TIGD2: variants seen among roughly 807,000 people sequenced by gnomAD.
The protein encoded by TIGD2 is tigger transposable element-derived protein 2.
In TIGD2, 14 loss-of-function variants were observed where a neutral mutation model predicts 27.0. That is an observed-to-expected ratio of 0.52 (90% CI 0.34 to 0.81). The LOEUF (loss-of-function observed/expected upper bound fraction) is 0.81, where lower values mean the gene tolerates loss of function less well. Ranked by LOEUF, TIGD2 falls within the 30% of genes least tolerant of loss-of-function variation. TIGD2 has a pLI of 0.01. For missense variants in TIGD2, 590 were observed against 617.3 expected, an observed-to-expected ratio of 0.96 and a Z score of 0.47; for synonymous variants, 201 against 209.0, an observed-to-expected ratio of 0.96 and a Z score of 0.33.
chr4:89,112,554 G>T lies in TIGD2; in HGVS notation c.-421G>T. ...TGCAAGTCCTCTCTTGACTTAAACT[G>T]TTTACTCCCTAGCACATTTCCTAAA... On this transcript the variant is annotated 5_prime_UTR_variant, in exon 2 of 2. Transcript: ENST00000603357. 6.4e-6 allele frequency: 1 copy of T among 156,228 alleles called. No homozygotes were observed. Among genetic ancestry groups the T allele is most frequent in the Non-Finnish European group, 1.4e-5 (1 of 70,972 alleles). The allele number at this position is 156,228 out of a possible 1,614,324, so 9.7% of individuals were successfully genotyped here.
At position 89,114,443 on chromosome 4, in the gene TIGD2, A is replaced by T. The variant is rs1158397276; in HGVS notation, c.1469A>T (p.Asp490Val). 3 of 1,614,142 alleles carry T rather than the reference A, an allele frequency of 1.9e-6. No homozygotes were observed. Among genetic ancestry groups the T allele is most frequent in the East Asian group, 4.5e-5 (2 of 44,890 alleles). ...CTTGAATGGACTGAAAATTTACTGGATTATCTTGAACAACAAGATGACATG... is the reference window on the plus strand; with the variant it reads ...CTTGAATGGACTGAAAATTTACTGGTTTATCTTGAACAACAAGATGACATG... ...AALEWTENLL[D>V]YLEQQDDMLL... is the part of the protein sequence containing the mutation. The change falls in exon 2 of 2, where the codon GAT becomes GTT. Residue 490 changes from aspartate (D) to valine (V), a missense_variant. Asp to Val is a radical substitution (Grantham distance 152). Around this residue, in one of 3 missense-constraint regions of TIGD2, gnomAD observed 451 missense variants for 448.0 expected, o/e 1.01. Coordinates refer to ENST00000603357, the MANE Select transcript of TIGD2 (RefSeq NM_145715.3).
At position 89,112,793 on chromosome 4, in the gene TIGD2, T is replaced by C. The variant is rs1439489122; in HGVS notation, c.-182T>C. ...GGCGCTAGGCTTTGTTGTAGGAAGTTTGTAAGTTTTAAAATAGCAAGTAGA... is the reference window on the plus strand; with the variant it reads ...GGCGCTAGGCTTTGTTGTAGGAAGTCTGTAAGTTTTAAAATAGCAAGTAGA... On this transcript the variant is annotated 5_prime_UTR_variant, in exon 2 of 2. Transcript: ENST00000603357. 2 of 554,158 alleles carry C rather than the reference T, an allele frequency of 3.6e-6. No individual in the cohort carries two copies. The highest frequency in any genetic ancestry group is 6.2e-6 in the Non-Finnish European group (2 of 320,250). 34.3% of individuals were successfully genotyped at this position (554,158 alleles called of 1,614,324 possible).
In TIGD2 at chr4:89,113,542, A is replaced by T. The variant is rs1721153262; in HGVS notation, c.568A>T (p.Thr190Ser). 1.9e-6 allele frequency: 3 copies of T among 1,614,138 alleles called. No homozygotes were observed. The highest frequency in any genetic ancestry group is 2.5e-6 in the Non-Finnish European group (3 of 1,180,010). ...GLFWKCLPSRTLTLETDQSTS... is the reference protein window; with the variant it reads ...GLFWKCLPSRSLTLETDQSTS... The stretch of plus-strand genomic sequence containing the variant: ...GTTTTGGAAATGTCTACCATCAAGG[A>T]CATTAACTCTTGAAACTGACCAAAG... The change falls in exon 2 of 2, where the codon ACA becomes TCA. Residue 190 changes from threonine to serine, a missense_variant. Physicochemically the swap from Thr to Ser is moderately conservative, Grantham distance 58 (BLOSUM62 1). This residue lies in a region of TIGD2 where 451 missense variants were observed against 448.0 expected (regional missense o/e 1.01). Transcript: ENST00000603357.
In TIGD2 at chr4:89,113,733, A is replaced by C. The variant is rs750266573; in HGVS notation, c.759A>C (p.Lys253Asn). 3.1e-6 allele frequency: 5 copies of C among 1,614,092 alleles called. No homozygotes were observed. The African/African-American group carries it at 6.7e-5, about 22-fold the overall frequency. Residue 253 changes from lysine to asparagine, a missense_variant, in exon 2 of 2, where the codon AAA (lysine) becomes AAC (asparagine). This residue lies in a region of TIGD2 where 451 missense variants were observed against 448.0 expected (regional missense o/e 1.01). Transcript: ENST00000603357. ...TTCCTGTGACATATTACAGTCAAAAAGGTGCATGGATAGAACAGTCTGTTT... is the reference window on the plus strand; with the variant it reads ...TTCCTGTGACATATTACAGTCAAAACGGTGCATGGATAGAACAGTCTGTTT... ...SNLPVTYYSQ[K>N]GAWIEQSVFR...
Position 89,113,174 on chromosome 4 carries a change from A to T in TIGD2, c.200A>T (p.Lys67Ile), listed in dbSNP as rs767221783. 6.2e-7 allele frequency: 1 copy of T among 1,614,130 alleles called. No homozygotes were observed. Among genetic ancestry groups the T allele is most frequent in the Non-Finnish European group, 8.5e-7 (1 of 1,180,028 alleles). Residue 67 changes from lysine (K) to isoleucine (I), a missense_variant, in exon 2 of 2, where the codon AAA (lysine) becomes ATA (isoleucine). Coordinates refer to ENST00000603357, the MANE Select transcript of TIGD2 (RefSeq NM_145715.3). ...NSSDPTSGVSKRKSMKSSTYE... is the reference protein window; with the variant it reads ...NSSDPTSGVSIRKSMKSSTYE... ...TCAGATCCTACCAGTGGAGTATCCA[A>T]ACGTAAATCTATGAAGTCATCAACA...
chr4:89,111,334 C>G (rs373353677), upstream of TIGD2: 10 of 601,658 alleles, frequency 1.7e-5, no homozygotes, highest in Non-Finnish European at 2.1e-5. Context: ...CTCCCCCTGC[C>G]GGCCAGGGAG....
chr4:89,112,841 A>G lies in TIGD2; in HGVS notation c.-134A>G. ...AGATTCACGTAGACCTTGTCAGGAAATTGGTCACTATCCATCTAGGCCCTA... is the reference window on the plus strand; with the variant it reads ...AGATTCACGTAGACCTTGTCAGGAAGTTGGTCACTATCCATCTAGGCCCTA... On this transcript the variant is annotated 5_prime_UTR_variant, in exon 2 of 2. Coordinates refer to ENST00000603357, the MANE Select transcript of TIGD2 (RefSeq NM_145715.3). 1.4e-6 allele frequency: 1 copy of G among 702,520 alleles called. No individual in the cohort carries two copies. Among genetic ancestry groups the G allele is most frequent in the South Asian group, 2.2e-5 (1 of 45,204 alleles). 43.5% of individuals were successfully genotyped at this position (702,520 alleles called of 1,614,324 possible).
In TIGD2 at chr4:89,112,129, G is replaced by A. The variant is rs1168883249; in HGVS notation, c.-846G>A. ...GAACTGCTTCTGTTGGTCCATCGAG[G>A]ATCGTCTTTCACCAGGATTATTGTA... is the stretch of plus-strand genomic sequence containing the variant. On this transcript the variant is annotated 5_prime_UTR_variant, in exon 2 of 2. Transcript: ENST00000603357. 6.6e-6 allele frequency: 1 copy of A among 152,184 alleles called. No homozygotes were observed. Among genetic ancestry groups the A allele is most frequent in the African/African-American group, 2.4e-5 (1 of 41,436 alleles). 9.4% of individuals were successfully genotyped at this position (152,184 alleles called of 1,614,324 possible). A position where few individuals can be genotyped will look rare whatever the true frequency, so the allele number is the denominator to read the frequency against.
At position 89,113,695 on chromosome 4, in the gene TIGD2, G is replaced by T; in HGVS notation, c.721G>T (p.Asp241Tyr). The T allele has an allele frequency of 6.2e-7, 1 of 1,614,162 alleles. No individual in the cohort carries two copies. The highest frequency in any genetic ancestry group is 1.1e-5 in the South Asian group (1 of 91,066). The change falls in exon 2 of 2, where the codon GAC becomes TAC. Residue 241 changes from aspartate (D) to tyrosine (Y), a missense_variant. This residue lies in a region of TIGD2 where 451 missense variants were observed against 448.0 expected (regional missense o/e 1.01). Transcript: ENST00000603357. Reference sequence around the variant, plus strand: ...AAAGCCCCGAGCATTCAAAGGCACTGACCTTTCAAACCTTCCTGTGACATA... The same window carrying T: ...AAAGCCCCGAGCATTCAAAGGCACTTACCTTTCAAACCTTCCTGTGACATA... ...AKKPRAFKGT[D>Y]LSNLPVTYYS... is the part of the protein sequence containing the mutation.
rs1041271914 is a variant in TIGD2 at position 89,112,265 on chromosome 4, A to G, written c.-710A>G. 6.6e-6 allele frequency: 1 copy of G among 151,992 alleles called. No homozygotes were observed. The highest frequency in any genetic ancestry group is 1.5e-5 in the Non-Finnish European group (1 of 68,034). The allele number at this position is 151,992 out of a possible 1,614,324, so 9.4% of individuals were successfully genotyped here. ...AGTAATGTGACATCACATGTCCACT[A>G]TCCTCCTTTCCAGCTGCCAAATCTA... On this transcript the variant is annotated 5_prime_UTR_variant, in exon 2 of 2. Transcript: ENST00000603357.
rs764716185 is a variant in TIGD2, at chr4:89,113,365, C to T, written c.391C>T (p.Gln131Ter). ...ASSGWLTRFK[Q>*]RHGIPKAAGK... ...GTCAGGCTGGCTAACTCGATTTAAG[C>T]AGCGCCATGGTATTCCAAAGGCTGC... The change falls in exon 2 of 2, where the codon CAG (glutamine) becomes TAG (stop). Residue 131 changes from glutamine to a stop codon, truncating the protein, a stop_gained. Transcript: ENST00000603357. LOFTEE classifies it high-confidence loss of function. The T allele has an allele frequency of 6.2e-7, 1 of 1,614,116 alleles. No homozygotes were observed. Among genetic ancestry groups the T allele is most frequent in the Non-Finnish European group, 8.5e-7 (1 of 1,180,028 alleles).
Position 89,114,036 on chromosome 4 carries a change from AAT to A in TIGD2, c.1065_1066del (p.Phe356LeufsTer12). On this transcript the variant is annotated frameshift_variant, in exon 2 of 2. Coordinates refer to ENST00000603357, the MANE Select transcript of TIGD2 (RefSeq NM_145715.3). LOFTEE classifies it high-confidence loss of function. ...KYMDEGNDPK[I>X]FWKNLTVLDA... is the part of the protein sequence containing the mutation. ...ACATGGATGAAGGAAATGACCCAAA[AAT>A]ATTTTGGAAGAACTTGACAGTGTTG... 1 of 1,614,054 alleles carries A rather than the reference AAT, an allele frequency of 6.2e-7. No individual in the cohort carries two copies. The highest frequency in any genetic ancestry group is 8.5e-7 in the Non-Finnish European group (1 of 1,180,012).
Position 89,113,532 on chromosome 4 carries a change from A to G in TIGD2, c.558A>G (p.Leu186=), listed in dbSNP as rs754103964. The G allele has an allele frequency of 5.0e-6, 8 of 1,613,986 alleles. No homozygotes were observed. Among genetic ancestry groups the G allele is most frequent in the African/African-American group, 2.7e-5 (2 of 74,918 alleles). The change falls in exon 2 of 2, where the codon CTA becomes CTG. Residue 186 remains leucine (L), a synonymous_variant. Transcript: ENST00000603357. ...ADQTGLFWKC[L]PSRTLTLETD... ...AAACTGGATTGTTTTGGAAATGTCT[A>G]CCATCAAGGACATTAACTCTTGAAA...
At position 89,114,738 on chromosome 4, in the gene TIGD2, T is replaced by A; in HGVS notation, c.*186T>A. 1.7e-6 allele frequency: 1 copy of A among 593,118 alleles called. No individual in the cohort carries two copies. Among genetic ancestry groups the A allele is most frequent in the Non-Finnish European group, 2.9e-6 (1 of 342,034 alleles). The allele number at this position is 593,118 out of a possible 1,614,324, so 36.7% of individuals were successfully genotyped here. ...TGACTCTAGTCATTGGGCATTGACG[T>A]GTAACTTGTCTTTCTACTGTTTCTA... On this transcript the variant is annotated 3_prime_UTR_variant, in exon 2 of 2. Transcript: ENST00000603357.
Position 89,112,288 on chromosome 4 carries a change from C to CTAG in TIGD2, c.-683_-681dup, listed in dbSNP as rs1180626100. 6.6e-6 allele frequency: 1 copy of CTAG among 152,226 alleles called. No individual in the cohort carries two copies. Among genetic ancestry groups the CTAG allele is most frequent in the Non-Finnish European group, 1.5e-5 (1 of 68,052 alleles). The allele number at this position is 152,226 out of a possible 1,614,324, so 9.4% of individuals were successfully genotyped here. A position where few individuals can be genotyped will look rare whatever the true frequency, so the allele number is the denominator to read the frequency against. ...CTATCCTCCTTTCCAGCTGCCAAAT[C>CTAG]TAGTAGGTTTAAGTCGCTTTTAAAG... is the stretch of plus-strand genomic sequence containing the variant. On this transcript the variant is annotated 5_prime_UTR_variant, in exon 2 of 2. Coordinates refer to ENST00000603357, the MANE Select transcript of TIGD2 (RefSeq NM_145715.3).
chr4:89,113,995 G>A lies in TIGD2; in HGVS notation c.1021G>A (p.Gly341Arg), dbSNP rs1380351868. The change falls in exon 2 of 2, where the codon GGA (glycine) becomes AGA (arginine). Residue 341 changes from glycine (G) to arginine (R), a missense_variant. By Grantham distance (125) the Gly-to-Arg change is moderately radical. Coordinates refer to ENST00000603357, the MANE Select transcript of TIGD2 (RefSeq NM_145715.3). ...LATVKRYYRAGLLQKYMDEGN... is the reference protein window; with the variant it reads ...LATVKRYYRARLLQKYMDEGN... ...CACTGTAAAAAGATACTATCGAGCA[G>A]GACTTCTCCAGAAATACATGGATGA... The A allele has an allele frequency of 6.2e-7, 1 of 1,614,024 alleles. No individual in the cohort carries two copies. Among genetic ancestry groups the A allele is most frequent in the Non-Finnish European group, 8.5e-7 (1 of 1,180,012 alleles).
At position 89,114,159 on chromosome 4, in the gene TIGD2, T is replaced by C. The variant is rs779491213; in HGVS notation, c.1185T>C (p.Asn395=). ...WKKLFPGNEE[N]SGMNIDEGAI... ...AACTTTTCCCTGGCAATGAAGAGAA[T>C]TCAGGTATGAACATTGATGAAGGAG... is the stretch of plus-strand genomic sequence containing the variant. The change falls in exon 2 of 2, where the codon AAT becomes AAC. Residue 395 remains asparagine, a synonymous_variant. Coordinates refer to ENST00000603357, the MANE Select transcript of TIGD2 (RefSeq NM_145715.3). 6.2e-7 allele frequency: 1 copy of C among 1,614,146 alleles called. No individual in the cohort carries two copies. Among genetic ancestry groups the C allele is most frequent in the Non-Finnish European group, 8.5e-7 (1 of 1,179,996 alleles).
Position 89,111,561 on chromosome 4 carries a change from A to G in TIGD2, c.-1231A>G, listed in dbSNP as rs1468140622. The G allele has an allele frequency of 6.6e-6, 1 of 152,222 alleles. No homozygotes were observed. Among genetic ancestry groups the G allele is most frequent in the Non-Finnish European group, 1.5e-5 (1 of 68,256 alleles). The allele number at this position is 152,222 out of a possible 1,614,324, so 9.4% of individuals were successfully genotyped here. Reference sequence around the variant, plus strand: ...CCCCCGCCTTCCGGCTCCGGCGGCGACGCTCGTCCCTCTCCGCTCGTCCCT... The same window carrying G: ...CCCCCGCCTTCCGGCTCCGGCGGCGGCGCTCGTCCCTCTCCGCTCGTCCCT... On this transcript the variant is annotated 5_prime_UTR_variant, in exon 1 of 2. Coordinates refer to ENST00000603357, the MANE Select transcript of TIGD2 (RefSeq NM_145715.3).
rs1321144267 is a variant in TIGD2, at chr4:89,114,164, G to A, written c.1190G>A (p.Gly397Asp). 1.2e-6 allele frequency: 2 copies of A among 1,614,174 alleles called. No individual in the cohort carries two copies. Residue 397 changes from glycine to aspartate, a missense_variant, in exon 2 of 2, where the codon GGT becomes GAT. Gly to Asp is a moderately conservative substitution (Grantham distance 94). Around this residue, in one of 3 missense-constraint regions of TIGD2, gnomAD observed 451 missense variants for 448.0 expected, o/e 1.01. Transcript: ENST00000603357. ...TTCCCTGGCAATGAAGAGAATTCAG[G>A]TATGAACATTGATGAAGGAGCCATT... The part of the protein sequence containing the change: ...KLFPGNEENS[G>D]MNIDEGAILA...
Sources: gnomAD v4.1 joint callset for allele counts on GRCh38, gnomAD v4.1.1 for gene constraint, gnomAD v4.1.1 regional missense constraint, MANE v1.5 for transcripts, NCBI Gene and HGNC (gene_info 2026-07-23, HGNC 2026-07-21) for gene names.